The following KPNA7 variants were observed in gnomAD, a reference collection of about 807,000 sequenced individuals.
KPNA7 encodes importin subunit alpha-8.
Under a neutral mutation model 53.7 loss-of-function variants are expected in KPNA7, and 54 were observed. The observed-to-expected ratio is 1.01, with a 90% confidence interval of 0.81 to 1.26. The LOEUF (loss-of-function observed/expected upper bound fraction) is 1.26, where lower values mean the gene tolerates loss of function less well. Ranked by LOEUF, KPNA7 falls within the 50% of genes most tolerant of loss-of-function variation. The pLI is 0.00. For missense variants in KPNA7, 640 were observed against 644.5 expected (o/e 0.99, Z 0.07); for synonymous variants, 276 against 259.3 (o/e 1.06, Z -0.62).
At chr7:99,185,245 C>A in intron 7 of KPNA7, 83 bp from the exon 8 acceptor site, 2 of 924,194 alleles carry the variant, frequency 2.2e-6, no homozygotes, top group Non-Finnish European at 1.7e-6. Flanking sequence ...TGTTCTCTCC[C>A]AAACATTGTC....
chr7:99,190,335 CAA>C (rs58257703), intron 6 of KPNA7, among the ~76,000 whole-genome samples: 13 of 99,302 alleles, frequency 1.3e-4, no homozygotes, highest in Admixed American at 3.2e-4. Context: ...GACTCTGTCT[CAA>C]AAAAAAAAAA....
At chr7:99,204,932 A>C (rs1469871284) in intron 2 of KPNA7, among the ~76,000 whole-genome samples, 1 of 152,168 alleles carries the variant, frequency 6.6e-6, no homozygotes, top group African/African-American at 2.4e-5. Context: ...TTTGGGAATC[A>C]TTGAGCCCAT....
intron 1 of KPNA7, among the ~76,000 whole-genome samples, chr7:99,215,697 A>G (rs1327441156): frequency 1.3e-5 from 2 of 152,108 alleles, no homozygotes; most frequent in African/African-American, 4.8e-5. Flanking sequence ...TACTTAAGAA[A>G]GTGTTGACAG....
At chr7:99,199,064 T>TAA (rs1433629610) in intron 3 of KPNA7, among the ~76,000 whole-genome samples, 1 of 34,376 alleles carries the variant, frequency 2.9e-5, no homozygotes, top group African/African-American at 2.2e-4. Context: ...TGCTGCAAAC[T>TAA]GAAAAAAAAA....
chr7:99,190,370 AAAAG>A (rs990017194), intron 6 of KPNA7, among the ~76,000 whole-genome samples: 32 of 151,876 alleles, frequency 2.1e-4, no homozygotes, highest in African/African-American at 7.7e-4. Flanking sequence ...AAGCAGAAAA[AAAAG>A]AAAGAGCTCT....
At chr7:99,171,124 G>A (rs1798762383), downstream of KPNA7, among the ~76,000 whole-genome samples, 1 of 152,178 alleles carries the variant, frequency 6.6e-6, no homozygotes, top group Non-Finnish European at 1.5e-5. Context: ...GGAGGCTGAG[G>A]CAGGAGAATC....
At chr7:99,207,078 A>T (rs1164870761) in intron 2 of KPNA7, among the ~76,000 whole-genome samples, 1 of 151,686 alleles carries the variant, frequency 6.6e-6, no homozygotes, top group Non-Finnish European at 1.5e-5. Context: ...CTTGTCGCCC[A>T]GGCTGGAGTG....
intron 3 of KPNA7, among the ~76,000 whole-genome samples, chr7:99,200,377 T>C (rs75315199): frequency 0.035 from 5,292 of 152,240 alleles, 142 homozygotes; most frequent in East Asian, 0.12. Context: ...ATAAGAATCA[T>C]CGAATGCCAG....
chr7:99,193,889 G>T (rs1315609062), intron 5 of KPNA7, among the ~76,000 whole-genome samples: 1 of 152,024 alleles, frequency 6.6e-6, no homozygotes, highest in Non-Finnish European at 1.5e-5. Context: ...CATTGCCCAG[G>T]CTGGTCTCAA....
At chr7:99,194,336 T>C (rs567756895) in intron 5 of KPNA7, among the ~76,000 whole-genome samples, 1 of 152,218 alleles carries the variant, frequency 6.6e-6, no homozygotes, top group East Asian at 1.9e-4. Flanking sequence ...ACCAAGGAGT[T>C]TTTTTTTGTT....
At chr7:99,206,228 TC>T (rs770310964) in intron 2 of KPNA7, among the ~76,000 whole-genome samples, 1 of 149,944 alleles carries the variant, frequency 6.7e-6, no homozygotes, top group Non-Finnish European at 1.5e-5. Context: ...TGGCACAATC[TC>T]GACTCACTGC....
intron 8 of KPNA7, among the ~76,000 whole-genome samples, chr7:99,183,843 GTTTT>G (rs1267983323): frequency 6.6e-6 from 1 of 152,010 alleles, no homozygotes; most frequent in Non-Finnish European, 1.5e-5. Flanking sequence ...GAGAAATAAT[GTTTT>G]TTTGTTTTTG....
chr7:99,189,374 A>ACCTCCAC lies in KPNA7; in HGVS notation c.637-818_637-812dup, dbSNP rs1398450818. On this transcript the variant is annotated intron_variant, in intron 6 of 10. Transcript: ENST00000327442. ...ACTCCTGGGCTCAAGTGATCTGCCT[A>ACCTCCAC]CCTCCACCTCCCAAAGTGATGACAG... Among the ~76,000 whole-genome samples the ACCTCCAC allele has an allele frequency of 6.7e-5, 10 of 149,188 alleles. No individual in the cohort carries two copies. In the East Asian group the frequency reaches 1.8e-3, roughly 27 times the overall value.
intron 10 of KPNA7, among the ~76,000 whole-genome samples, chr7:99,177,219 G>C (rs1460299087): frequency 1.3e-5 from 2 of 152,186 alleles, no homozygotes; most frequent in Non-Finnish European, 2.9e-5. Flanking sequence ...AAAAGGGCTA[G>C]GGGAAAGGTG....
chr7:99,180,718 T>TCC (rs1373672869), intron 9 of KPNA7, among the ~76,000 whole-genome samples: 1 of 138,440 alleles, frequency 7.2e-6, no homozygotes, highest in African/African-American at 2.8e-5. Context: ...TCTCTCTCTC[T>TCC]CCGTCTGTGT....
intron 10 of KPNA7, among the ~76,000 whole-genome samples, chr7:99,176,802 C>T (rs545462514): frequency 1.3e-5 from 2 of 152,020 alleles, no homozygotes; most frequent in African/African-American, 2.4e-5. Context: ...TTGCTTGAGC[C>T]CAGGGAAGTC....
At position 99,183,503 on chromosome 7, in the gene KPNA7, A is replaced by G. The variant is rs560058233; in HGVS notation, c.1134+1426T>C. On this transcript the variant is annotated intron_variant, in intron 8 of 10. Transcript: ENST00000327442. Reference sequence around the variant, plus strand: ...GATTCATAACTAGATGTTTCTCACTAGAATATGTACAGATTTACAGAGGCG... The same window carrying G: ...GATTCATAACTAGATGTTTCTCACTGGAATATGTACAGATTTACAGAGGCG... 2.8e-4 allele frequency among the ~76,000 whole-genome samples: 42 copies of G among 152,344 alleles called. No homozygotes were observed. In the South Asian group the frequency reaches 7.0e-3, roughly 26 times the overall value.
chr7:99,163,379 ATATATTTTTTT>A, the KPNA7 span, among the ~76,000 whole-genome samples: 2 of 58,850 alleles, frequency 3.4e-5, no homozygotes, highest in East Asian at 8.7e-4. Context: ...ATATATATAT[ATATATTTTTTT>A]TTTTTTTTTT....
intron 6 of KPNA7, among the ~76,000 whole-genome samples, chr7:99,189,286 TTATTA>T (rs1789812380): frequency 6.6e-6 from 1 of 152,020 alleles, no homozygotes; most frequent in African/African-American, 2.4e-5. Flanking sequence ...TTTTGGCCTT[TTATTA>T]TTAGTTTTAG....
Sources: gnomAD v4.1 joint callset for allele counts (sites outside exome capture counted in the v4.1 genomes callset) on GRCh38, gnomAD v4.1.1 for gene constraint, MANE v1.5 for transcripts, NCBI Gene and HGNC (gene_info 2026-07-23, HGNC 2026-07-21) for gene names.